The following SCD5 variants were observed in gnomAD, a reference collection of about 807,000 sequenced individuals.
SCD5 encodes the protein acyl-CoA-desaturase 4.
In SCD5, 20 loss-of-function variants were observed where a neutral mutation model predicts 30.4. That is an observed-to-expected ratio of 0.66 (90% CI 0.46 to 0.96). The LOEUF is 0.96. Ranked by LOEUF, SCD5 falls within the 40% of genes least tolerant of loss-of-function variation. The pLI, the probability that SCD5 is intolerant of heterozygous loss-of-function variation, is 0.00. For synonymous variants in SCD5, 173 were observed against 176.4 expected (o/e 0.98, Z 0.16); for missense variants, 381 against 443.3 (o/e 0.86, Z 1.26).
At chr4:82,741,295 G>A (rs1236815023) in intron 1 of SCD5, among the ~76,000 whole-genome samples, 1 of 152,142 alleles carries the variant, frequency 6.6e-6, no homozygotes, top group Non-Finnish European at 1.5e-5. Flanking sequence ...TCAATAGAAT[G>A]TATGAAAGTG....
intron 3 of SCD5, among the ~76,000 whole-genome samples, chr4:82,667,283 C>T (rs549623339): frequency 1.9e-4 from 27 of 145,864 alleles, no homozygotes; most frequent in East Asian, 6.4e-4. Context: ...CACACACACA[C>T]ACACGCACGC....
At chr4:82,741,546 A>AT (rs1720873131) in intron 1 of SCD5, among the ~76,000 whole-genome samples, 1 of 152,208 alleles carries the variant, frequency 6.6e-6, no homozygotes, top group South Asian at 2.1e-4. Flanking sequence ...ACCAGCCAGC[A>AT]AAGAATCATG....
chr4:82,697,122 A>G (rs1322570515), intron 2 of SCD5, among the ~76,000 whole-genome samples: 2 of 152,224 alleles, frequency 1.3e-5, no homozygotes, highest in Non-Finnish European at 2.9e-5. Flanking sequence ...TCTTTAGGAA[A>G]AGAAGACAGG....
chr4:82,754,507 C>T (rs560066168), intron 1 of SCD5, among the ~76,000 whole-genome samples: 1 of 152,156 alleles, frequency 6.6e-6, no homozygotes, highest in African/African-American at 2.4e-5. Flanking sequence ...TCCTTCCAGG[C>T]TCCCCCCAGG....
At chr4:82,736,073 C>A (rs1177840474) in intron 1 of SCD5, among the ~76,000 whole-genome samples, 1 of 152,136 alleles carries the variant, frequency 6.6e-6, no homozygotes, top group Non-Finnish European at 1.5e-5. Flanking sequence ...ATCACTTGAT[C>A]CCAGGAGTTC....
At chr4:82,725,628 G>A (rs1720452780) in intron 1 of SCD5, among the ~76,000 whole-genome samples, 1 of 152,112 alleles carries the variant, frequency 6.6e-6, no homozygotes, top group African/African-American at 2.4e-5. Flanking sequence ...GGGAAGCTGA[G>A]GTGGGCAGAT....
chr4:82,674,375 C>A (rs1728391600), intron 3 of SCD5, among the ~76,000 whole-genome samples: 1 of 152,028 alleles, frequency 6.6e-6, no homozygotes, highest in Non-Finnish European at 1.5e-5. Context: ...ATAGATGGAA[C>A]AATAAGCTTA....
intron 1 of SCD5, among the ~76,000 whole-genome samples, chr4:82,719,100 C>T (rs1343831513): frequency 6.6e-6 from 1 of 151,858 alleles, no homozygotes; most frequent in African/African-American, 2.4e-5. Flanking sequence ...AAAAACTGAT[C>T]CAACAATTAA....
At chr4:82,637,030 G>T (rs1486235964) in intron 3 of SCD5, among the ~76,000 whole-genome samples, 1 of 152,198 alleles carries the variant, frequency 6.6e-6, no homozygotes, top group Non-Finnish European at 1.5e-5. Flanking sequence ...ATAAATTTGA[G>T]AGTTGGGACA....
chr4:82,664,438 TGCA>T (rs1027459671), intron 3 of SCD5, among the ~76,000 whole-genome samples: 5 of 19,166 alleles, frequency 2.6e-4, no homozygotes, highest in African/African-American at 1.1e-3. Flanking sequence ...CACACAAAAG[TGCA>T]AGGGGGGGGG....
rs1728321593 is a variant in SCD5 at position 82,671,459 on chromosome 4, A to G, written c.569+9248T>C. ...ATATGCATTCTTCTCAAGCTCACAT[A>G]GAACATTCACCAAAATAGAGCACAT... is the stretch of plus-strand genomic sequence containing the variant. On this transcript the variant is annotated intron_variant, in intron 3 of 4. Coordinates refer to ENST00000319540, the MANE Select transcript of SCD5 (RefSeq NM_001037582.3). Among the ~76,000 whole-genome samples, 3 of 152,314 alleles carry G rather than the reference A, an allele frequency of 2.0e-5. No individual in the cohort carries two copies. The South Asian group carries it at 6.2e-4, about 32-fold the overall frequency.
At chr4:82,688,302 G>A (rs951186430) in intron 2 of SCD5, among the ~76,000 whole-genome samples, 7 of 152,060 alleles carry the variant, frequency 4.6e-5, no homozygotes, top group Non-Finnish European at 7.4e-5. Flanking sequence ...GTGCATGTGC[G>A]TGTGCGTGCG....
intron 1 of SCD5, among the ~76,000 whole-genome samples, chr4:82,797,078 C>T (rs1722241207): frequency 1.3e-5 from 2 of 152,150 alleles, no homozygotes; most frequent in Non-Finnish European, 2.9e-5. Flanking sequence ...GATGGGTTTA[C>T]TTCCAAGAGC....
chr4:82,695,729 C>A (rs1297089533), intron 2 of SCD5, among the ~76,000 whole-genome samples: 1 of 152,152 alleles, frequency 6.6e-6, no homozygotes, highest in Admixed American at 6.6e-5. Context: ...ATGCTGTGAC[C>A]TTATACAGTA....
At chr4:82,793,495 T>C (rs182916758) in intron 1 of SCD5, among the ~76,000 whole-genome samples, 1 of 152,230 alleles carries the variant, frequency 6.6e-6, no homozygotes, top group East Asian at 1.9e-4. Flanking sequence ...GAGCCCTTAT[T>C]TCCAAAGCCA....
chr4:82,681,861 G>A (rs1038318213), intron 2 of SCD5, among the ~76,000 whole-genome samples: 7 of 152,106 alleles, frequency 4.6e-5, no homozygotes, highest in East Asian at 1.9e-4. Flanking sequence ...GAATGGTGCC[G>A]GTTCTTGGCC....
chr4:82,640,009 C>T (rs1271250658), intron 3 of SCD5, among the ~76,000 whole-genome samples: 1 of 152,144 alleles, frequency 6.6e-6, no homozygotes, highest in Non-Finnish European at 1.5e-5. Flanking sequence ...GGGTAGACAC[C>T]CTCGAGTCAT....
intron 1 of SCD5, among the ~76,000 whole-genome samples, chr4:82,755,195 A>C (rs985581629): frequency 2.6e-5 from 4 of 152,070 alleles, no homozygotes; most frequent in African/African-American, 9.7e-5. Context: ...ATGTCGAAAA[A>C]ATTAGGAGAG....
At chr4:82,719,749 C>T (rs13138141) in intron 1 of SCD5, among the ~76,000 whole-genome samples, 8 of 150,160 alleles carry the variant, frequency 5.3e-5, no homozygotes, top group Non-Finnish European at 8.8e-5. Flanking sequence ...GTGATCCACC[C>T]GCCTCGGCCT....
Sources: allele counts gnomAD v4.1 joint callset (sites outside exome capture counted in the v4.1 genomes callset), GRCh38; gene constraint gnomAD v4.1.1; transcripts MANE v1.5; gene names NCBI Gene and HGNC (gene_info 2026-07-23, HGNC 2026-07-21).